The following ZBTB20 variants were observed in gnomAD, a reference collection of about 807,000 sequenced individuals.
The protein encoded by ZBTB20 is zinc finger and BTB domain-containing protein 20.
ZBTB20 carries 9 observed loss-of-function variants against 56.9 expected under a neutral mutation model. That is an observed-to-expected ratio of 0.16 (90% CI 0.10 to 0.28). ZBTB20 has a LOEUF of 0.28. Ranked by LOEUF, ZBTB20 falls within the 10% of genes least tolerant of loss-of-function variation. The pLI, the probability that ZBTB20 is intolerant of heterozygous loss-of-function variation, is 1.00. For missense variants in ZBTB20, 655 were observed against 1,003.0 expected (o/e 0.65, Z 4.69); for synonymous variants, 417 against 420.7 (o/e 0.99, Z 0.11).
intron 10 of ZBTB20, among the ~76,000 whole-genome samples, chr3:114,376,963 C>T (rs1005705367): frequency 2.6e-5 from 4 of 152,164 alleles, no homozygotes; most frequent in African/African-American, 7.2e-5. Context: ...AAGTTCTGGT[C>T]GCGTCTATCA....
At chr3:114,460,287 G>C (rs1474855574) in intron 7 of ZBTB20, among the ~76,000 whole-genome samples, 2 of 152,062 alleles carry the variant, frequency 1.3e-5, no homozygotes, top group Non-Finnish European at 2.9e-5. Context: ...GTAGGCTGAG[G>C]AATGGCCCCC....
chr3:114,790,391 C>G (rs1465205335), intron 5 of ZBTB20, among the ~76,000 whole-genome samples: 1 of 152,024 alleles, frequency 6.6e-6, no homozygotes, highest in South Asian at 2.1e-4. Context: ...CTATAGCTTT[C>G]TTCATGTTCA....
intron 5 of ZBTB20, among the ~76,000 whole-genome samples, chr3:114,730,255 T>C (rs1480759109): frequency 2.6e-5 from 4 of 152,070 alleles, no homozygotes; most frequent in South Asian, 2.1e-4. Flanking sequence ...GGTGATGACC[T>C]TGAGCAACAG....
chr3:114,693,079 G>A (rs2062794383), intron 6 of ZBTB20, among the ~76,000 whole-genome samples: 1 of 152,090 alleles, frequency 6.6e-6, no homozygotes, highest in Admixed American at 6.6e-5. Context: ...AATGTGTTTG[G>A]AGGGTTTTGA....
chr3:114,515,761 C>A lies in ZBTB20; in HGVS notation c.-294-15370G>T, dbSNP rs573014743. Among the ~76,000 whole-genome samples, 4 of 152,310 alleles carry A rather than the reference C, an allele frequency of 2.6e-5. No homozygotes were observed. The South Asian group carries it at 8.3e-4, about 32-fold the overall frequency. ...TAGCACTGATAACCTCATCCAGGATCTTATTATATCAGTTACTTTTCCTTT... is the reference window on the plus strand; with the variant it reads ...TAGCACTGATAACCTCATCCAGGATATTATTATATCAGTTACTTTTCCTTT... On this transcript the variant is annotated intron_variant, in intron 6 of 11. Transcript: ENST00000675478.
chr3:114,591,402 C>A (rs1012547304), intron 6 of ZBTB20, among the ~76,000 whole-genome samples: 3 of 152,290 alleles, frequency 2.0e-5, no homozygotes, highest in Admixed American at 2.0e-4. Context: ...CAGAGGAAGT[C>A]ATTCTTTATT....
chr3:114,948,469 G>T (rs183779777), intron 3 of ZBTB20, among the ~76,000 whole-genome samples: 17 of 146,124 alleles, frequency 1.2e-4, no homozygotes, highest in Middle Eastern at 3.4e-3. Flanking sequence ...GGAATGAAAA[G>T]GTAGAAATAA....
At chr3:114,735,103 T>C (rs886276791) in intron 5 of ZBTB20, among the ~76,000 whole-genome samples, 2 of 152,118 alleles carry the variant, frequency 1.3e-5, no homozygotes, top group African/African-American at 2.4e-5. Context: ...AATACATTGA[T>C]TTTTGAGCCA....
chr3:115,078,257 T>C (rs1459946182), intron 1 of ZBTB20, among the ~76,000 whole-genome samples: 2 of 152,210 alleles, frequency 1.3e-5, no homozygotes, highest in African/African-American at 2.4e-5. Flanking sequence ...ATATTCTATG[T>C]TGTTTTTGAT....
intron 3 of ZBTB20, among the ~76,000 whole-genome samples, chr3:114,929,636 GT>G: frequency 6.6e-6 from 1 of 152,190 alleles, no homozygotes; most frequent in East Asian, 1.9e-4. Context: ...TTACATTCCA[GT>G]TCCTACTTAC....
chr3:114,594,554 T>C (rs1270581406), intron 6 of ZBTB20, among the ~76,000 whole-genome samples: 2 of 152,206 alleles, frequency 1.3e-5, no homozygotes, highest in Admixed American at 6.5e-5. Flanking sequence ...TTCTGCAGGC[T>C]AATTCTATGT....
At position 114,942,951 on chromosome 3, in the gene ZBTB20, G is replaced by C. The variant is rs188503441; in HGVS notation, c.-456+31415C>G. 4.3e-4 allele frequency among the ~76,000 whole-genome samples: 63 copies of C among 145,350 alleles called. 9 individuals are homozygous for C. The highest frequency in any genetic ancestry group is 1.3e-3 in the African/African-American group (46 of 35,474). ...CTGTAAATGCAATGAGGTGAGGCCT[G>C]TATTCTTTTTCCACTTTTAACCCCT... is the stretch of plus-strand genomic sequence containing the variant. On this transcript the variant is annotated intron_variant, in intron 3 of 11. Coordinates refer to ENST00000675478, the MANE Select transcript of ZBTB20 (RefSeq NM_001348800.3).
chr3:114,694,025 G>C (rs1444649667), intron 5 of ZBTB20, among the ~76,000 whole-genome samples: 2 of 152,146 alleles, frequency 1.3e-5, no homozygotes, highest in East Asian at 3.9e-4. Context: ...TTAGTTGTTT[G>C]TTATTTGTGT....
intron 7 of ZBTB20, among the ~76,000 whole-genome samples, chr3:114,463,988 G>A (rs1182852192): frequency 1.3e-5 from 2 of 152,150 alleles, no homozygotes; most frequent in East Asian, 3.8e-4. Context: ...ATATTGAACT[G>A]CTATTTGAAT....
chr3:114,444,424 C>T (rs2091135719), intron 7 of ZBTB20, among the ~76,000 whole-genome samples: 1 of 152,148 alleles, frequency 6.6e-6, no homozygotes, highest in Non-Finnish European at 1.5e-5. Context: ...GTCCCTGCCA[C>T]ATCCGAGGTG....
intron 6 of ZBTB20, among the ~76,000 whole-genome samples, chr3:114,542,372 C>G (rs2049214757): frequency 6.6e-6 from 1 of 152,130 alleles, no homozygotes. Context: ...TAAAGTGCCA[C>G]CTCAACCATA....
At chr3:114,379,638 T>C (rs1216791495) in intron 10 of ZBTB20, among the ~76,000 whole-genome samples, 1 of 152,234 alleles carries the variant, frequency 6.6e-6, no homozygotes, top group Non-Finnish European at 1.5e-5. Context: ...ATTTTTAACC[T>C]GGATTCTCAT....
At chr3:114,964,051 C>T (rs2107991493) in intron 3 of ZBTB20, among the ~76,000 whole-genome samples, 1 of 152,168 alleles carries the variant, frequency 6.6e-6, no homozygotes, top group African/African-American at 2.4e-5. Context: ...GAGCTAAGCA[C>T]AAAAATGAAC....
chr3:114,453,867 T>C (rs1421967559), intron 7 of ZBTB20, among the ~76,000 whole-genome samples: 1 of 151,966 alleles, frequency 6.6e-6, no homozygotes, highest in African/African-American at 2.4e-5. Context: ...TCTCTTTCTT[T>C]TTAGGCGAAA....
Sources: allele counts gnomAD v4.1 joint callset (sites outside exome capture counted in the v4.1 genomes callset), GRCh38; gene constraint gnomAD v4.1.1; transcripts MANE v1.5; gene names NCBI Gene and HGNC (gene_info 2026-07-23, HGNC 2026-07-21).